SYT14: variants seen among roughly 807,000 people sequenced by gnomAD.
The protein encoded by SYT14 is synaptotagmin 14, also known as synaptotagmin-14.
A neutral mutation model predicts 74.2 loss-of-function variants in SYT14; 32 were observed. The ratio of observed to expected loss-of-function variants is 0.43; its 90% CI spans 0.33 to 0.58. The LOEUF (loss-of-function observed/expected upper bound fraction) is 0.58. SYT14 is among the 20% of genes least tolerant of loss of function. The probability of loss-of-function intolerance (pLI) is 0.05; values close to 1 mark genes in which losing one functional copy is unlikely to be tolerated. For synonymous variants in SYT14, 298 were observed against 337.7 expected, an observed-to-expected ratio of 0.88 and a Z score of 1.29; for missense variants, 791 against 981.8, an observed-to-expected ratio of 0.81 and a Z score of 2.60.
chr1:209,994,398 C>T (rs1176893433), intron 2 of SYT14, among the ~76,000 whole-genome samples: 8 of 152,176 alleles, frequency 5.3e-5, no homozygotes, highest in African/African-American at 1.7e-4. Flanking sequence ...GAATCTTAGA[C>T]TTTGAAGATT....
At chr1:210,162,806 A>T (rs1427560445) in exon 10 of SYT14, 1 of 451,334 alleles carries the variant, frequency 2.2e-6, no homozygotes, top group Non-Finnish European at 4.4e-6. Flanking sequence ...GCATTCATAC[A>T]CATGAATTAT....
intron 2 of SYT14, among the ~76,000 whole-genome samples, chr1:209,977,270 G>T (rs2079385897): frequency 6.6e-6 from 1 of 152,126 alleles, no homozygotes. Flanking sequence ...TGGTTATTTT[G>T]CTCGTTAGTT....
chr1:210,064,993 T>C (rs1391223600), intron 5 of SYT14, among the ~76,000 whole-genome samples: 1 of 152,104 alleles, frequency 6.6e-6, no homozygotes, highest in Non-Finnish European at 1.5e-5. Context: ...TATCTCATTA[T>C]GGTTTTGATT....
intron 2 of SYT14, among the ~76,000 whole-genome samples, chr1:210,003,055 AATTG>A (rs2079929876): frequency 6.6e-6 from 1 of 152,192 alleles, no homozygotes; most frequent in African/African-American, 2.4e-5. Context: ...TTTTCTACAA[AATTG>A]ATTGGCTAAA....
chr1:209,977,562 T>G (rs2102781679), intron 2 of SYT14, among the ~76,000 whole-genome samples: 1 of 152,346 alleles, frequency 6.6e-6, no homozygotes, highest in South Asian at 2.1e-4. Flanking sequence ...GTAGAGTTTC[T>G]GCCGAGAGAT....
chr1:210,024,760 A>G (rs2080374727), intron 5 of SYT14, among the ~76,000 whole-genome samples: 2 of 152,216 alleles, frequency 1.3e-5, no homozygotes, highest in Non-Finnish European at 2.9e-5. Flanking sequence ...TTCCTTTGAC[A>G]GGAGAATTAA....
At chr1:210,119,380 G>A (rs749037689) in intron 7 of SYT14, among the ~76,000 whole-genome samples, 8 of 152,172 alleles carry the variant, frequency 5.3e-5, no homozygotes, top group South Asian at 2.1e-4. Context: ...TATCCTTGAT[G>A]TATTTATGTT....
At chr1:209,990,561 G>GTATATATATGTATATACATATACA (rs2079661064) in intron 2 of SYT14, among the ~76,000 whole-genome samples, 1 of 26,060 alleles carries the variant, frequency 3.8e-5, no homozygotes, top group Non-Finnish European at 9.2e-5. Flanking sequence ...ATATATATAC[G>GTATATATATGTATATACATATACA]TATATATATG....
chr1:210,060,870 G>T (rs1294511885), intron 5 of SYT14, among the ~76,000 whole-genome samples: 1 of 151,928 alleles, frequency 6.6e-6, no homozygotes, highest in Admixed American at 6.6e-5. Context: ...AGAATACTTG[G>T]TGAATAGATT....
chr1:209,992,234 T>C (rs1349266418), intron 2 of SYT14, among the ~76,000 whole-genome samples: 1 of 152,076 alleles, frequency 6.6e-6, no homozygotes. Context: ...ATCCTTGAAC[T>C]CCTGGGTTCA....
intron 2 of SYT14, chr1:209,953,351 T>A (rs2078942137): frequency 1.0e-5 from 8 of 781,794 alleles, no homozygotes; most frequent in Non-Finnish European, 1.3e-5. Flanking sequence ...CAACTCCTTA[T>A]AAGTAATCAC....
chr1:210,023,060 C>T (rs2080335239), intron 5 of SYT14, among the ~76,000 whole-genome samples: 1 of 152,074 alleles, frequency 6.6e-6, no homozygotes, highest in Admixed American at 6.5e-5. Flanking sequence ...TATTTAGGAC[C>T]TATCCTGTAC....
intron 5 of SYT14, among the ~76,000 whole-genome samples, chr1:210,090,792 AT>A (rs2081851918): frequency 6.6e-6 from 1 of 152,120 alleles, no homozygotes; most frequent in East Asian, 1.9e-4. Context: ...TTTTTCTTAT[AT>A]CAATTACATT....
intron 7 of SYT14, among the ~76,000 whole-genome samples, chr1:210,102,772 C>G (rs1237959585): frequency 6.6e-6 from 1 of 152,006 alleles, no homozygotes; most frequent in Non-Finnish European, 1.5e-5. Flanking sequence ...GCCTGAAACT[C>G]CTGGGCTTAA....
Position 210,087,927 on chromosome 1 carries a change from CA to C in SYT14, c.1313-6392del, listed in dbSNP as rs566101501. On this transcript the variant is annotated intron_variant, in intron 5 of 9. Transcript: ENST00000637265. The stretch of plus-strand genomic sequence containing the variant: ...GCTGAAATTTTCAGAAAGAGAAGAA[CA>C]AAGGTGAAATTTCTGTCTTTTTAAT... Among the ~76,000 whole-genome samples the C allele has an allele frequency of 3.8e-3, 573 of 152,260 alleles. 6 individuals carry two copies. The highest frequency in any genetic ancestry group is 0.013 in the African/African-American group (545 of 41,560).
intron 7 of SYT14, among the ~76,000 whole-genome samples, chr1:210,145,174 T>G (rs1367004128): frequency 6.6e-6 from 1 of 152,194 alleles, no homozygotes; most frequent in African/African-American, 2.4e-5. Context: ...AAGTCTATGT[T>G]TTGCTACAGG....
chr1:210,119,115 C>T (rs562896947), intron 7 of SYT14, among the ~76,000 whole-genome samples: 195 of 152,168 alleles, frequency 1.3e-3, no homozygotes, highest in Middle Eastern at 6.8e-3. Flanking sequence ...TATATTTTAT[C>T]AGCAAACTAC....
intron 2 of SYT14, among the ~76,000 whole-genome samples, chr1:209,959,804 G>A (rs1048881638): frequency 5.3e-5 from 8 of 152,250 alleles, no homozygotes; most frequent in Middle Eastern, 3.4e-3. Context: ...TAATAGGTAT[G>A]GGTTTTTCTG....
chr1:210,046,102 G>T (rs1373429455), intron 5 of SYT14, among the ~76,000 whole-genome samples: 1 of 152,196 alleles, frequency 6.6e-6, no homozygotes. Flanking sequence ...TGGGTATGGT[G>T]GCTCACGCCT....
Sources: allele counts gnomAD v4.1 joint callset (sites outside exome capture counted in the v4.1 genomes callset), GRCh38; gene constraint gnomAD v4.1.1; transcripts MANE v1.5; gene names NCBI Gene and HGNC (gene_info 2026-07-23, HGNC 2026-07-21).